ADAM7: variants seen among roughly 807,000 people sequenced by gnomAD.
ADAM7 encodes the protein disintegrin and metalloproteinase domain-containing protein 7.
Under a neutral mutation model 102.9 loss-of-function variants are expected in ADAM7, and 97 were observed. That is an observed-to-expected ratio of 0.94 (90% CI 0.80 to 1.12). The LOEUF is 1.12. Among genes scored for constraint, ADAM7 ranks in the 50% most tolerant of loss-of-function variants. ADAM7 has a pLI of 0.00. For synonymous variants in ADAM7, 334 were observed against 304.4 expected (o/e 1.10, Z -1.01); for missense variants, 991 against 908.7 (o/e 1.09, Z -1.16).
chr8:24,501,301 C>A (rs1298883599), intron 19 of ADAM7, among the ~76,000 whole-genome samples, 176 bp from the exon 20 acceptor site: 1 of 151,896 alleles, frequency 6.6e-6, no homozygotes, highest in African/African-American at 2.4e-5. Flanking sequence ...GAAGATTGTA[C>A]AAGTATTAAG....
chr8:24,441,301 C>A (rs1453086999), intron 1 of ADAM7, 141 bp downstream of exon 1: 2 of 747,886 alleles, frequency 2.7e-6, no homozygotes, highest in Admixed American at 2.2e-5. Flanking sequence ...TACAGCTAAT[C>A]ATGAGACTCC....
chr8:24,501,019 T>C, intron 19 of ADAM7, 124 bp downstream of exon 19: 2 of 730,182 alleles, frequency 2.7e-6, no homozygotes, highest in South Asian at 3.9e-5. Flanking sequence ...CAGGTAAGAA[T>C]AGTAGTAACT....
intron 9 of ADAM7, 61 bp downstream of exon 9, chr8:24,482,372 A>C: frequency 6.7e-7 from 1 of 1,483,632 alleles, no homozygotes; most frequent in South Asian, 1.3e-5. Context: ...GAAAACAAAA[A>C]AAAATTAACA....
intron 7 of ADAM7, among the ~76,000 whole-genome samples, chr8:24,474,700 G>A (rs1052933106): frequency 6.6e-6 from 1 of 151,954 alleles, no homozygotes; most frequent in Non-Finnish European, 1.5e-5. Flanking sequence ...AGACCAGCCT[G>A]GGCAACACAG....
rs777101787 is a variant in ADAM7, at chr8:24,499,306, A to G, written c.1913A>G (p.Asn638Ser). The G allele has an allele frequency of 4.4e-6, 7 of 1,599,806 alleles. No homozygotes were observed. The highest frequency in any genetic ancestry group is 1.7e-4 in the Middle Eastern group (1 of 6,028). ...TCAACCAATTGCCCCTCTCAGTGCA[A>G]TGAAAATCCTGTAAGATATGACTGC... is the stretch of plus-strand genomic sequence containing the variant. ...YISTNCPSQC[N>S]ENPVDGHGLQ... The change falls in exon 17 of 22, where the codon AAT becomes AGT. Residue 638 changes from asparagine to serine, a missense_variant. Asn to Ser is a conservative substitution (Grantham distance 46). Transcript: ENST00000175238.
At chr8:24,441,550 GT>G (rs1206660158) in intron 1 of ADAM7, among the ~76,000 whole-genome samples, 1 of 152,146 alleles carries the variant, frequency 6.6e-6, no homozygotes, top group African/African-American at 2.4e-5. Flanking sequence ...CAATAAATTG[GT>G]AAAGGCTTGA....
chr8:24,485,101 A>AGG (rs1820092148), intron 9 of ADAM7, among the ~76,000 whole-genome samples, 176 bp from the exon 10 acceptor site: 1 of 152,100 alleles, frequency 6.6e-6, no homozygotes, highest in African/African-American at 2.4e-5. Flanking sequence ...AATATCCCAC[A>AGG]GGTTAAAGAT....
chr8:24,508,430 G>A, intron 21 of ADAM7, 116 bp from the exon 22 acceptor site: 1 of 1,020,894 alleles, frequency 9.8e-7, no homozygotes. Flanking sequence ...AATAAATGTA[G>A]GACTACAGAA....
At chr8:24,499,090 C>T in intron 16 of ADAM7, 146 bp from the exon 17 acceptor site, 2 of 609,466 alleles carry the variant, frequency 3.3e-6, no homozygotes, top group East Asian at 3.0e-5. Flanking sequence ...GGAAAAATTA[C>T]ATAACTTATA....
chr8:24,471,575 C>A (rs552992383), intron 7 of ADAM7, among the ~76,000 whole-genome samples: 1 of 151,800 alleles, frequency 6.6e-6, no homozygotes, highest in African/African-American at 2.4e-5. Context: ...GTAACATGCT[C>A]TACAGGTTTG....
At chr8:24,499,193 A>G in intron 16 of ADAM7, 43 bp from the exon 17 acceptor site, 9 of 1,456,410 alleles carry the variant, frequency 6.2e-6, no homozygotes, top group Non-Finnish European at 8.4e-6. Flanking sequence ...TTTCACATCA[A>G]TTGTAAGTCA....
chr8:24,446,663 CATT>C (rs986859782), intron 2 of ADAM7, among the ~76,000 whole-genome samples: 1 of 151,788 alleles, frequency 6.6e-6, no homozygotes, highest in Non-Finnish European at 1.5e-5. Context: ...CATGATTTAT[CATT>C]GAGTGCAAAG....
chr8:24,490,404 AAGTC>A (rs1189495918), intron 12 of ADAM7: 5 of 156,386 alleles, frequency 3.2e-5, no homozygotes, highest in African/African-American at 1.2e-4. Context: ...TAAAAAATAA[AAGTC>A]AGCCTGAAAT....
intron 3 of ADAM7, among the ~76,000 whole-genome samples, chr8:24,455,117 CTAGT>C (rs1298126177): frequency 1.3e-5 from 2 of 151,982 alleles, no homozygotes; most frequent in African/African-American, 2.4e-5. Flanking sequence ...CCTGTTGCAT[CTAGT>C]TAATGTTCCC....
chr8:24,471,660 T>C (rs185493696), intron 7 of ADAM7, among the ~76,000 whole-genome samples: 1 of 152,118 alleles, frequency 6.6e-6, no homozygotes, highest in African/African-American at 2.4e-5. Flanking sequence ...TGTGTACGTA[T>C]GCTTTATGAT....
intron 7 of ADAM7, among the ~76,000 whole-genome samples, chr8:24,474,151 T>C (rs1225595417): frequency 6.6e-6 from 1 of 152,104 alleles, no homozygotes; most frequent in East Asian, 1.9e-4. Flanking sequence ...CCCATCTTAA[T>C]TGAAAAGATG....
chr8:24,468,237 A>G (rs750840653), intron 6 of ADAM7, among the ~76,000 whole-genome samples: 31 of 152,058 alleles, frequency 2.0e-4, no homozygotes, highest in Non-Finnish European at 4.1e-4. Context: ...ACTCTCAGTT[A>G]CAGATGGATG....
At chr8:24,491,772 G>C (rs1238548187) in intron 13 of ADAM7, 131 bp from the exon 14 acceptor site, 1 of 605,726 alleles carries the variant, frequency 1.7e-6, no homozygotes, top group Non-Finnish European at 2.7e-6. Flanking sequence ...GATTCTTGAT[G>C]GAATGGAGAA....
intron 3 of ADAM7, among the ~76,000 whole-genome samples, chr8:24,448,658 T>TG (rs1288152330): frequency 2.1e-4 from 3 of 13,958 alleles, no homozygotes; most frequent in African/African-American, 3.7e-4. Context: ...TTCAGCTTGT[T>TG]TATTATTATT....
Sources: gnomAD v4.1 joint callset for allele counts (sites outside exome capture counted in the v4.1 genomes callset) on GRCh38, gnomAD v4.1.1 for gene constraint, MANE v1.5 for transcripts, NCBI Gene and HGNC (gene_info 2026-07-23, HGNC 2026-07-21) for gene names.